The following EYA1 variants were observed in gnomAD, a reference collection of about 807,000 sequenced individuals.
The protein encoded by EYA1 is protein phosphatase EYA1.
Under a neutral mutation model 82.0 loss-of-function variants are expected in EYA1, and 16 were observed. The ratio of observed to expected loss-of-function variants is 0.20; its 90% CI spans 0.13 to 0.30. EYA1 has a LOEUF of 0.30. EYA1 is among the 10% of genes least tolerant of loss of function. The pLI is 1.00. For missense variants in EYA1, 633 were observed against 730.7 expected (o/e 0.87, Z 1.54); for synonymous variants, 261 against 264.4 (o/e 0.99, Z 0.12).
rs3066856 is a variant in EYA1, at chr8:71,346,431, A to AATATATATATATATATATAT, written c.124+8331_124+8350dup. On this transcript the variant is annotated intron_variant, in intron 3 of 17. Transcript: ENST00000340726. Reference sequence around the variant, plus strand: ...ACACTTTTATTTTTTTACTGCAGTGAATATATATATATATATATATATATC... The same window carrying AATATATATATATATATATAT: ...ACACTTTTATTTTTTTACTGCAGTGAATATATATATATATATATATATATATATATATATATATATATATC... Among the ~76,000 whole-genome samples, 182 of 105,404 alleles carry AATATATATATATATATATAT rather than the reference A, an allele frequency of 1.7e-3. 2 individuals are homozygous for AATATATATATATATATATAT. Among genetic ancestry groups the AATATATATATATATATATAT allele is most frequent in the African/African-American group, 4.0e-3 (118 of 29,394 alleles). 69.1% of individuals were successfully genotyped at this position (105,404 alleles called of 152,430 possible). A position where few individuals can be genotyped will look rare whatever the true frequency, so the allele number is the denominator to read the frequency against.
intron 4 of EYA1, among the ~76,000 whole-genome samples, chr8:71,330,627 T>C (rs1345309158): frequency 2.0e-5 from 3 of 152,250 alleles, no homozygotes; most frequent in Non-Finnish European, 4.4e-5. Flanking sequence ...CTAAGAGCTA[T>C]GCTGGAGACA....
chr8:71,509,885 G>A (rs1812466751), intron 2 of EYA1, among the ~76,000 whole-genome samples: 1 of 151,942 alleles, frequency 6.6e-6, no homozygotes, highest in South Asian at 2.1e-4. Context: ...ACTTTAAATA[G>A]TGCATAGTAG....
chr8:71,345,975 C>T, intron 3 of EYA1, among the ~76,000 whole-genome samples: 1 of 152,210 alleles, frequency 6.6e-6, no homozygotes, highest in East Asian at 1.9e-4. Context: ...TGCTCCTCAT[C>T]TTACACATAC....
At chr8:71,545,796 G>A (rs559822686) in intron 1 of EYA1, among the ~76,000 whole-genome samples, 26 of 151,998 alleles carry the variant, frequency 1.7e-4, no homozygotes, top group African/African-American at 3.9e-4. Flanking sequence ...TCCTGACCTC[G>A]TAATCCGCCC....
chr8:71,294,198 G>A (rs1397698550), intron 9 of EYA1, among the ~76,000 whole-genome samples: 1 of 152,102 alleles, frequency 6.6e-6, no homozygotes, highest in Non-Finnish European at 1.5e-5. Context: ...GGTGGCTCAC[G>A]CCTGTAATCC....
At chr8:71,261,087 A>C (rs143584061) in intron 11 of EYA1, among the ~76,000 whole-genome samples, 33 of 152,318 alleles carry the variant, frequency 2.2e-4, no homozygotes, top group Admixed American at 2.6e-4. Flanking sequence ...GCCCACAAGG[A>C]AAGGATTAAG....
chr8:71,406,388 G>A (rs1202616767), intron 2 of EYA1, among the ~76,000 whole-genome samples: 1 of 152,200 alleles, frequency 6.6e-6, no homozygotes, highest in African/African-American at 2.4e-5. Context: ...GGCCGAATAG[G>A]AACAGCTCCG....
chr8:71,282,492 CA>C (rs754906494), intron 9 of EYA1, among the ~76,000 whole-genome samples: 16 of 152,226 alleles, frequency 1.1e-4, no homozygotes, highest in Non-Finnish European at 2.2e-4. Flanking sequence ...TCTGTCAAAT[CA>C]AATAGTCAAG....
chr8:71,267,202 G>C (rs1815944331), intron 11 of EYA1, among the ~76,000 whole-genome samples: 1 of 152,180 alleles, frequency 6.6e-6, no homozygotes, highest in South Asian at 2.1e-4. Context: ...GTGGCTGGGA[G>C]GCCCTTTGGA....
chr8:71,419,066 A>G (rs1489023969), intron 2 of EYA1, among the ~76,000 whole-genome samples: 1 of 152,208 alleles, frequency 6.6e-6, no homozygotes, highest in Non-Finnish European at 1.5e-5. Flanking sequence ...TTAGAGAATC[A>G]GAATATGCAG....
intron 2 of EYA1, among the ~76,000 whole-genome samples, chr8:71,475,229 A>AGT (rs1423872683): frequency 6.6e-6 from 1 of 152,244 alleles, no homozygotes; most frequent in Non-Finnish European, 1.5e-5. Flanking sequence ...GGTATATAAT[A>AGT]GTGTGTGTAG....
At chr8:71,291,394 C>T (rs1321690138) in intron 9 of EYA1, among the ~76,000 whole-genome samples, 1 of 152,116 alleles carries the variant, frequency 6.6e-6, no homozygotes. Context: ...CTGATTTTTC[C>T]TCTGTCACTT....
At chr8:71,497,653 C>A (rs1025005792) in intron 2 of EYA1, among the ~76,000 whole-genome samples, 1 of 152,062 alleles carries the variant, frequency 6.6e-6, no homozygotes, top group Non-Finnish European at 1.5e-5. Context: ...ATGGAAAACA[C>A]TAAGGAGGTT....
At chr8:71,424,229 A>G (rs947086762) in intron 2 of EYA1, among the ~76,000 whole-genome samples, 2 of 152,358 alleles carry the variant, frequency 1.3e-5, no homozygotes, top group Middle Eastern at 3.4e-3. Flanking sequence ...TTCCAAATGA[A>G]ATATAAGCAA....
intron 2 of EYA1, among the ~76,000 whole-genome samples, chr8:71,395,942 G>C (rs774552227): frequency 6.6e-6 from 1 of 152,098 alleles, no homozygotes; most frequent in East Asian, 1.9e-4. Flanking sequence ...TGGTTGGTAG[G>C]CTATTAATTA....
intron 9 of EYA1, among the ~76,000 whole-genome samples, chr8:71,277,776 T>C (rs1817372013): frequency 6.6e-6 from 1 of 152,144 alleles, no homozygotes; most frequent in Non-Finnish European, 1.5e-5. Context: ...AAATTGATGA[T>C]TAGAAAAATG....
chr8:71,315,637 C>T (rs1821841647), intron 7 of EYA1, among the ~76,000 whole-genome samples: 1 of 152,198 alleles, frequency 6.6e-6, no homozygotes, highest in South Asian at 2.1e-4. Context: ...CCTTGTCTGC[C>T]TTATGATCCA....
chr8:71,346,310 G>A (rs1335689958), intron 3 of EYA1, among the ~76,000 whole-genome samples: 4 of 151,304 alleles, frequency 2.6e-5, no homozygotes, highest in African/African-American at 9.7e-5. Context: ...TTTCTAGATA[G>A]AATCACTTAA....
intron 2 of EYA1, among the ~76,000 whole-genome samples, chr8:71,511,872 A>T (rs910871668): frequency 2.0e-5 from 3 of 152,198 alleles, no homozygotes; most frequent in Non-Finnish European, 4.4e-5. Flanking sequence ...AAAAAACAGC[A>T]AACTAGGAAC....
Sources: allele counts gnomAD v4.1 joint callset (sites outside exome capture counted in the v4.1 genomes callset), GRCh38; gene constraint gnomAD v4.1.1; transcripts MANE v1.5; gene names NCBI Gene and HGNC (gene_info 2026-07-23, HGNC 2026-07-21).